Variants in PCDHGA7 observed in about 807,000 individuals in gnomAD.
The protein encoded by PCDHGA7 is protocadherin gamma-A7.
In PCDHGA7, 44 loss-of-function variants were observed where a neutral mutation model predicts 58.3. The observed-to-expected ratio is 0.75, with a 90% CI of 0.59 to 0.97. PCDHGA7 has a LOEUF of 0.97. PCDHGA7 is among the 50% of genes least tolerant of loss of function. PCDHGA7 has a pLI of 0.00. For missense variants in PCDHGA7, 1,266 were observed against 1,188.7 expected (o/e 1.06, Z -0.96); for synonymous variants, 516 against 504.2 (o/e 1.02, Z -0.31).
intron 1 of PCDHGA7, chr5:141,392,828 G>T: frequency 6.2e-7 from 1 of 1,604,008 alleles, no homozygotes; most frequent in Non-Finnish European, 8.5e-7. Context: ...CCGCTCCACA[G>T]AGTCGCCCCA....
intron 1 of PCDHGA7, chr5:141,392,939 C>T (rs1425022179): frequency 1.2e-6 from 2 of 1,613,830 alleles, no homozygotes; most frequent in Non-Finnish European, 1.7e-6. Context: ...CGGACAAAGG[C>T]TCCTTCGTGG....
chr5:141,402,921 T>C (rs1486440819), intron 1 of PCDHGA7: 1 of 1,575,122 alleles, frequency 6.3e-7, no homozygotes. Context: ...CGCACAGAGA[T>C]CCTTTTGAGA....
intron 2 of PCDHGA7, among the ~76,000 whole-genome samples, chr5:141,502,358 TA>T (rs1283802909): frequency 6.6e-6 from 1 of 152,134 alleles, no homozygotes; most frequent in African/African-American, 2.4e-5. Context: ...ATGACATGGA[TA>T]TTTTTAAAGA....
intron 1 of PCDHGA7, among the ~76,000 whole-genome samples, chr5:141,436,832 C>T (rs1242760381): frequency 6.6e-6 from 1 of 152,172 alleles, no homozygotes; most frequent in African/African-American, 2.4e-5. Flanking sequence ...ATCTTAAGTG[C>T]CTAGGCACAT....
intron 1 of PCDHGA7, chr5:141,426,513 C>G (rs780618436): frequency 2.3e-5 from 8 of 341,028 alleles, no homozygotes; most frequent in African/African-American, 4.3e-5. Flanking sequence ...AATACTTTAC[C>G]GTGAACACGG....
At chr5:141,421,030 G>C (rs989158485) in intron 1 of PCDHGA7, 2 of 532,352 alleles carry the variant, frequency 3.8e-6, no homozygotes, top group African/African-American at 3.9e-5. Context: ...GCGCCATTGA[G>C]TCCCTCCCTC....
At chr5:141,505,536 C>T (rs749205049) in intron 3 of PCDHGA7, 55 bp downstream of exon 3, 9 of 1,610,164 alleles carry the variant, frequency 5.6e-6, no homozygotes, top group Non-Finnish European at 7.6e-6. Context: ...TTCTGGGGTG[C>T]ATCTCACAGC....
At chr5:141,441,325 T>C (rs961263461) in intron 1 of PCDHGA7, 1 of 152,192 alleles carries the variant, frequency 6.6e-6, no homozygotes, top group African/African-American at 2.4e-5. Flanking sequence ...AGAAAAATCT[T>C]CCTCCAATAA....
chr5:141,385,241 G>A lies in PCDHGA7; in HGVS notation c.2342G>A (p.Ser781Asn), dbSNP rs749708848. ...PQPNYVDMLISQESCEKNDSL... is the reference protein window; with the variant it reads ...PQPNYVDMLINQESCEKNDSL... ...CCCAACTATGTAGACATGCTCATCA[G>A]CCAGGAGAGCTGTGAGAAAAATGAT... Residue 781 changes from serine (S) to asparagine (N), a missense_variant, in exon 1 of 4, where the codon AGC becomes AAC. Physicochemically the swap from Ser to Asn is conservative, Grantham distance 46 (BLOSUM62 1). Transcript: ENST00000518325. 9 of 1,613,904 alleles carry A rather than the reference G, an allele frequency of 5.6e-6. No homozygotes were observed. The Admixed American group carries it at 1.5e-4, about 27-fold the overall frequency.
intron 1 of PCDHGA7, chr5:141,417,617 A>G (rs576281946): frequency 9.3e-6 from 6 of 646,206 alleles, no homozygotes; most frequent in African/African-American, 1.8e-5. Flanking sequence ...GCCAGTGCAG[A>G]GCAAGCGCTG....
At chr5:141,460,122 G>A (rs530307574) in intron 1 of PCDHGA7, among the ~76,000 whole-genome samples, 2 of 151,928 alleles carry the variant, frequency 1.3e-5, no homozygotes, top group African/African-American at 4.8e-5. Flanking sequence ...TTTTATATAT[G>A]TAATATATAT....
chr5:141,399,055 G>A (rs372997829), intron 1 of PCDHGA7: 3 of 1,613,726 alleles, frequency 1.9e-6, no homozygotes, highest in African/African-American at 2.7e-5. Context: ...AGAGACCAAG[G>A]AATATTCAAT....
In PCDHGA7 at chr5:141,385,157, A is replaced by G. The variant is rs1338074749; in HGVS notation, c.2258A>G (p.Tyr753Cys). 6.2e-7 allele frequency: 1 copy of G among 1,614,208 alleles called. No individual in the cohort carries two copies. Among genetic ancestry groups the G allele is most frequent in the East Asian group, 2.2e-5 (1 of 44,880 alleles). The change falls in exon 1 of 4, where the codon TAT (tyrosine) becomes TGT (cysteine). Residue 753 changes from tyrosine (Y) to cysteine (C), a missense_variant. By Grantham distance (194) the Tyr-to-Cys change is radical. Coordinates refer to ENST00000518325, the MANE Select transcript of PCDHGA7 (RefSeq NM_018920.4). Reference protein sequence around the residue: ...MDGVQAFLQTYSHEVSLTADS... With the variant: ...MDGVQAFLQTCSHEVSLTADS... ...GGGGTGCAGGCTTTCCTGCAGACCT[A>G]TTCCCATGAGGTCTCCCTCACCGCG... is the stretch of plus-strand genomic sequence containing the variant.
chr5:141,389,156 T>TC, intron 1 of PCDHGA7: 1 of 1,613,950 alleles, frequency 6.2e-7, no homozygotes, highest in Non-Finnish European at 8.5e-7. Context: ...CGGCAACAGA[T>TC]CGGGGCAAGC....
intron 1 of PCDHGA7, among the ~76,000 whole-genome samples, chr5:141,468,178 T>G (rs1033546956): frequency 1.3e-5 from 2 of 151,580 alleles, no homozygotes; most frequent in African/African-American, 4.8e-5. Context: ...TAGAAAAATT[T>G]GCTGGGCATG....
chr5:141,433,401 A>ATCTATCTATCTATCTC (rs1444244130), intron 1 of PCDHGA7, among the ~76,000 whole-genome samples: 1 of 150,482 alleles, frequency 6.6e-6, no homozygotes, highest in African/African-American at 2.4e-5. Context: ...CTATCTATCT[A>ATCTATCTATCTATCTC]TCTATTACTT....
At chr5:141,427,132 G>T (rs755992698) in intron 1 of PCDHGA7, 1 of 457,106 alleles carries the variant, frequency 2.2e-6, no homozygotes, top group Non-Finnish European at 4.4e-6. Context: ...AAATCCCTAC[G>T]AGATGATATT....
rs767107885 is a variant in PCDHGA7, at chr5:141,423,138, C to T, written c.2424+37815C>T. ...CAGCGCGGGCACTGCTGGACAGAGA[C>T]GCGCTCAAGCAGAGCCTCGTGGTGG... On this transcript the variant is annotated intron_variant, in intron 1 of 3. Transcript: ENST00000518325. 2.5e-6 allele frequency: 4 copies of T among 1,613,606 alleles called. 1 individual carries two copies. The highest frequency in any genetic ancestry group is 3.4e-6 in the Non-Finnish European group (4 of 1,179,912).
intron 3 of PCDHGA7, among the ~76,000 whole-genome samples, chr5:141,509,952 C>T (rs954730777): frequency 7.2e-5 from 11 of 152,186 alleles, no homozygotes; most frequent in African/African-American, 2.2e-4. Flanking sequence ...CAAATGCTAC[C>T]GGGTATGGCC....
Sources: allele counts gnomAD v4.1 joint callset (sites outside exome capture counted in the v4.1 genomes callset), GRCh38; gene constraint gnomAD v4.1.1; transcripts MANE v1.5; gene names NCBI Gene and HGNC (gene_info 2026-07-23, HGNC 2026-07-21).